The following COL4A2 variants were observed in gnomAD, a reference collection of about 807,000 sequenced individuals.
COL4A2 encodes collagen type IV alpha 2 chain, also known as collagen alpha-2(IV) chain.
A neutral mutation model predicts 200.2 loss-of-function variants in COL4A2; 99 were observed. That is an observed-to-expected ratio of 0.49 (90% confidence interval 0.42 to 0.58). The LOEUF (loss-of-function observed/expected upper bound fraction) is 0.58. Among genes scored for constraint, COL4A2 ranks in the 20% least tolerant of loss-of-function variants. The pLI is 0.00. For missense variants in COL4A2, 1,950 were observed against 2,314.1 expected (o/e 0.84, Z 3.23); for synonymous variants, 897 against 900.6 (o/e 1.00, Z 0.07).
intron 4 of COL4A2, among the ~76,000 whole-genome samples, chr13:110,389,923 C>T (rs1398945927): frequency 6.6e-6 from 1 of 151,666 alleles, no homozygotes; most frequent in Admixed American, 6.6e-5. Context: ...ATGACTTTTA[C>T]TCCCTTCTCA....
At chr13:110,463,297 C>T (rs9515224) in intron 24 of COL4A2, 88,284 of 151,936 alleles carry the variant, frequency 0.58, 26,357 homozygotes, top group Middle Eastern at 0.73. Flanking sequence ...TGTCTCTGGG[C>T]CCAAATTTCC....
At chr13:110,309,799 G>C (rs1329968395) in intron 3 of COL4A2, among the ~76,000 whole-genome samples, 1 of 152,022 alleles carries the variant, frequency 6.6e-6, no homozygotes, top group Non-Finnish European at 1.5e-5. Flanking sequence ...ACCACCCTGG[G>C]AGAAACACGG....
At chr13:110,482,218 G>A (rs546228681) in intron 31 of COL4A2, among the ~76,000 whole-genome samples, 147 of 152,334 alleles carry the variant, frequency 9.6e-4, no homozygotes, top group African/African-American at 3.3e-3. Flanking sequence ...TGGGCCTGTG[G>A]GCCAGTGAAC....
At chr13:110,382,018 T>A (rs528164413) in intron 4 of COL4A2, among the ~76,000 whole-genome samples, 39 of 152,332 alleles carry the variant, frequency 2.6e-4, no homozygotes, top group Admixed American at 2.2e-3. Context: ...TCACTGAATT[T>A]TTCACGGTTG....
intron 6 of COL4A2, among the ~76,000 whole-genome samples, chr13:110,426,606 A>G (rs1880479104): frequency 6.6e-6 from 1 of 152,258 alleles, no homozygotes; most frequent in South Asian, 2.1e-4. Context: ...GGTCTCATAT[A>G]GCAGTGAATC....
rs567425453 is a variant in COL4A2 at position 110,467,166 on chromosome 13, C to T, written c.2095+70C>T. Reference sequence around the variant, plus strand: ...CATCTTCACACTGCTGTGTCTCCCCCGCCCATCTTTCCTCTGGTCCTGCAT... The same window carrying T: ...CATCTTCACACTGCTGTGTCTCCCCTGCCCATCTTTCCTCTGGTCCTGCAT... On this transcript the variant is annotated intron_variant, in intron 27 of 47. Coordinates refer to ENST00000360467, the MANE Select transcript of COL4A2 (RefSeq NM_001846.4). 156 of 1,590,398 alleles carry T rather than the reference C, an allele frequency of 9.8e-5. 1 individual carries two copies. The South Asian group carries it at 1.5e-3, about 16-fold the overall frequency.
Position 110,439,782 on chromosome 13 carries a change from A to G in COL4A2, c.913-7A>G. 6.2e-7 allele frequency: 1 copy of G among 1,613,744 alleles called. No homozygotes were observed. Among genetic ancestry groups the G allele is most frequent in the Non-Finnish European group, 8.5e-7 (1 of 1,179,882 alleles). ...AGCTGTTTGCTTCTGTTTTTTGTTC[A>G]TTCCAGGGTTACCCTGGCTTGAGTG... On this transcript the variant is annotated splice_region_variant and splice_polypyrimidine_tract_variant and intron_variant, in intron 15 of 47. Transcript: ENST00000360467.
intron 22 of COL4A2, among the ~76,000 whole-genome samples, chr13:110,460,617 G>C (rs1881988982): frequency 6.6e-6 from 1 of 152,174 alleles, no homozygotes; most frequent in Admixed American, 6.5e-5. Context: ...CACGCCTCTG[G>C]CTGTGCCTGG....
At chr13:110,439,689 G>A (rs766075073) in intron 15 of COL4A2, 100 bp from the exon 16 acceptor site, 15 of 1,580,280 alleles carry the variant, frequency 9.5e-6, no homozygotes, top group African/African-American at 4.1e-5. Flanking sequence ...TCTGTCCATC[G>A]GCATTTTGCT....
intron 31 of COL4A2, among the ~76,000 whole-genome samples, chr13:110,482,126 G>A (rs530384320): frequency 6.6e-6 from 1 of 152,328 alleles, no homozygotes; most frequent in East Asian, 1.9e-4. Flanking sequence ...CTGACTTTCT[G>A]CGGTCCTGTG....
chr13:110,498,954 A>G (rs1274448903), intron 40 of COL4A2, among the ~76,000 whole-genome samples: 1 of 152,204 alleles, frequency 6.6e-6, no homozygotes, highest in Non-Finnish European at 1.5e-5. Flanking sequence ...TGAACGTCAC[A>G]GTGGGCCCAT....
intron 22 of COL4A2, among the ~76,000 whole-genome samples, chr13:110,460,646 A>G (rs771994460): frequency 1.3e-5 from 2 of 152,342 alleles, no homozygotes; most frequent in African/African-American, 2.4e-5. Flanking sequence ...ACTGAATTCT[A>G]TGATTGTGTG....
At chr13:110,324,733 G>A (rs1885362082) in intron 3 of COL4A2, among the ~76,000 whole-genome samples, 2 of 152,190 alleles carry the variant, frequency 1.3e-5, no homozygotes, top group Admixed American at 1.3e-4. Flanking sequence ...TCTGGCCTCG[G>A]GATTGTTTCT....
chr13:110,440,859 G>T (rs1016756428), intron 16 of COL4A2, among the ~76,000 whole-genome samples: 7 of 152,096 alleles, frequency 4.6e-5, no homozygotes, highest in Non-Finnish European at 8.8e-5. Context: ...ACACAAAGAC[G>T]TGTAGCTTCA....
intron 3 of COL4A2, among the ~76,000 whole-genome samples, chr13:110,336,579 G>A (rs143113659): frequency 5.1e-4 from 78 of 152,280 alleles, no homozygotes; most frequent in African/African-American, 1.8e-3. Context: ...GGAGGAAAGA[G>A]TTAAACATAC....
chr13:110,417,451 T>C (rs915047204), intron 4 of COL4A2, among the ~76,000 whole-genome samples: 1 of 152,238 alleles, frequency 6.6e-6, no homozygotes, highest in Non-Finnish European at 1.5e-5. Context: ...TCTTTGCCTT[T>C]ACTCAGCTCC....
chr13:110,430,065 G>T, intron 8 of COL4A2, 109 bp downstream of exon 8: 1 of 1,137,584 alleles, frequency 8.8e-7, no homozygotes, highest in Non-Finnish European at 1.2e-6. Context: ...TGTACTGAAG[G>T]CATGCCTAGA....
In COL4A2 at chr13:110,308,219, G is replaced by A. The variant is rs1884856867; in HGVS notation, c.99+96G>A. ...AGGCAGCTCGTCCGTGCGCTCCCGA[G>A]TGTGTGTGTGCGTGTGGATGTTCGC... is the stretch of plus-strand genomic sequence containing the variant. On this transcript the variant is annotated intron_variant, in intron 3 of 47. Transcript: ENST00000360467. 2.2e-6 allele frequency: 3 copies of A among 1,362,124 alleles called. No individual in the cohort carries two copies. The East Asian group carries it at 7.0e-5, about 32-fold the overall frequency. The allele number at this position is 1,362,124 out of a possible 1,614,324, so 84.4% of individuals were successfully genotyped here. A position where few individuals can be genotyped will look rare whatever the true frequency, so the allele number is the denominator to read the frequency against.
At chr13:110,467,256 C>T (rs1882281779) in intron 27 of COL4A2, among the ~76,000 whole-genome samples, 160 bp downstream of exon 27, 1 of 152,216 alleles carries the variant, frequency 6.6e-6, no homozygotes, top group Admixed American at 6.5e-5. Context: ...CTACAGGGAG[C>T]CCACTGTCAT....
Sources: allele counts gnomAD v4.1 joint callset (sites outside exome capture counted in the v4.1 genomes callset), GRCh38; gene constraint gnomAD v4.1.1; transcripts MANE v1.5; gene names NCBI Gene and HGNC (gene_info 2026-07-23, HGNC 2026-07-21).